EPS15: variants seen among roughly 807,000 people sequenced by gnomAD.
EPS15 encodes the protein epidermal growth factor receptor substrate 15.
Under a neutral mutation model 113.8 loss-of-function variants are expected in EPS15, and 72 were observed. That is an observed-to-expected ratio of 0.63 (90% CI 0.52 to 0.77). The LOEUF (loss-of-function observed/expected upper bound fraction) is 0.77. Ranked by LOEUF, EPS15 falls within the 30% of genes least tolerant of loss-of-function variation. The pLI is 0.00. For missense variants in EPS15, 1,048 were observed against 1,045.8 expected, an observed-to-expected ratio of 1.00 and a Z score of -0.03; for synonymous variants, 344 against 363.4, an observed-to-expected ratio of 0.95 and a Z score of 0.61.
chr1:51,427,653 A>G (rs545286068), intron 12 of EPS15, among the ~76,000 whole-genome samples: 12 of 152,206 alleles, frequency 7.9e-5, no homozygotes, highest in Non-Finnish European at 1.6e-4. Flanking sequence ...TGTGCAGATA[A>G]TAATGTCATA....
Position 51,356,440 on chromosome 1 carries a change from A to G in EPS15, c.*260T>C. 2 of 351,604 alleles carry G rather than the reference A, an allele frequency of 5.7e-6. No individual in the cohort carries two copies. The highest frequency in any genetic ancestry group is 5.5e-5 in the South Asian group (1 of 18,314). 21.8% of individuals were successfully genotyped at this position (351,604 alleles called of 1,614,324 possible). A position where few individuals can be genotyped will look rare whatever the true frequency, so the allele number is the denominator to read the frequency against. On this transcript the variant is annotated 3_prime_UTR_variant, in exon 25 of 25. Coordinates refer to ENST00000371733, the MANE Select transcript of EPS15 (RefSeq NM_001981.3). Reference sequence around the variant, plus strand: ...AAGTAAAATAGCACAGGCAGGCAAAAGCTCACAGTAAATGTATACCAGAAC... The same window carrying G: ...AAGTAAAATAGCACAGGCAGGCAAAGGCTCACAGTAAATGTATACCAGAAC...
Position 51,444,943 on chromosome 1 carries a change from A to C in EPS15, c.900T>G (p.Pro300=). 2 of 1,614,060 alleles carry C rather than the reference A, an allele frequency of 1.2e-6. No homozygotes were observed. The highest frequency in any genetic ancestry group is 1.7e-6 in the Non-Finnish European group (2 of 1,179,934). Residue 300 remains proline, a synonymous_variant, in exon 11 of 25, where the codon CCT becomes CCG. Coordinates refer to ENST00000371733, the MANE Select transcript of EPS15 (RefSeq NM_001981.3). ...SQKLIKGIDP[P]HVLTPEMIPP... is the part of the protein sequence containing the mutation. Reference sequence around the variant, plus strand: ...GAATCATTTCAGGAGTAAGAACGTGAGGAGGATCAATGCCCTTGATTAACT... The same window carrying C: ...GAATCATTTCAGGAGTAAGAACGTGCGGAGGATCAATGCCCTTGATTAACT...
intron 21 of EPS15, among the ~76,000 whole-genome samples, chr1:51,376,887 TAGAC>T (rs1646813372): frequency 6.6e-6 from 1 of 152,208 alleles, no homozygotes. Flanking sequence ...ATAGCTGCCA[TAGAC>T]AGCCATTCCT....
intron 13 of EPS15, among the ~76,000 whole-genome samples, chr1:51,418,605 A>G (rs915952469): frequency 2.6e-5 from 4 of 152,140 alleles, no homozygotes; most frequent in Admixed American, 6.6e-5. Flanking sequence ...GAAGAGTCCT[A>G]TGTCCAAGAG....
intron 21 of EPS15, among the ~76,000 whole-genome samples, chr1:51,390,359 AC>A (rs1234361104): frequency 2.6e-5 from 4 of 152,072 alleles, no homozygotes; most frequent in Non-Finnish European, 4.4e-5. Flanking sequence ...AACCATAAAA[AC>A]CCTAGAAGAA....
At chr1:51,482,507 G>A (rs957095398) in intron 1 of EPS15, among the ~76,000 whole-genome samples, 2 of 152,082 alleles carry the variant, frequency 1.3e-5, no homozygotes, top group Admixed American at 6.6e-5. Flanking sequence ...AGTCGCCCAG[G>A]CTGGAGTACA....
At chr1:51,372,251 G>C (rs1194065103) in intron 21 of EPS15, 10 of 482,614 alleles carry the variant, frequency 2.1e-5, no homozygotes, top group South Asian at 1.2e-4. Context: ...CCTAGTGGGC[G>C]GTGTGTGTCA....
intron 21 of EPS15, among the ~76,000 whole-genome samples, chr1:51,390,603 T>A (rs1647261236): frequency 6.7e-6 from 1 of 150,056 alleles, no homozygotes; most frequent in African/African-American, 2.5e-5. Flanking sequence ...TACAATGAAC[T>A]CAAACAAATT....
At chr1:51,416,546 C>T (rs1050326706) in intron 13 of EPS15, among the ~76,000 whole-genome samples, 3 of 152,088 alleles carry the variant, frequency 2.0e-5, no homozygotes, top group African/African-American at 2.4e-5. Context: ...TCAAGGAAAA[C>T]GTCCTGTTTT....
chr1:51,394,271 C>T, intron 21 of EPS15, 110 bp downstream of exon 21: 2 of 587,132 alleles, frequency 3.4e-6, no homozygotes, highest in South Asian at 2.7e-5. Flanking sequence ...TATAATTATG[C>T]AATAATTTTA....
At chr1:51,505,593 G>A (rs180785348) in intron 1 of EPS15, among the ~76,000 whole-genome samples, 4 of 152,206 alleles carry the variant, frequency 2.6e-5, no homozygotes, top group East Asian at 3.9e-4. Flanking sequence ...TAAAATTGAT[G>A]TTTGCACGTA....
At chr1:51,375,494 A>G (rs1261733144) in intron 21 of EPS15, among the ~76,000 whole-genome samples, 8 of 152,352 alleles carry the variant, frequency 5.3e-5, no homozygotes, top group African/African-American at 1.7e-4. Flanking sequence ...TAATAAGGGT[A>G]GAAGGGTACC....
chr1:51,370,525 G>A (rs926488244), intron 21 of EPS15, among the ~76,000 whole-genome samples: 26 of 151,524 alleles, frequency 1.7e-4, no homozygotes, highest in Admixed American at 5.3e-4. Flanking sequence ...TGCTCAACCC[G>A]TATTTGATAA....
intron 5 of EPS15, among the ~76,000 whole-genome samples, chr1:51,466,786 T>C (rs536774552): frequency 4.6e-5 from 7 of 152,002 alleles, no homozygotes; most frequent in Admixed American, 6.6e-5. Flanking sequence ...TCCCAGCTAT[T>C]TGGGAGGCTA....
At chr1:51,386,168 C>G (rs941785000) in intron 21 of EPS15, among the ~76,000 whole-genome samples, 2 of 152,110 alleles carry the variant, frequency 1.3e-5, no homozygotes, top group Non-Finnish European at 2.9e-5. Context: ...CAATAACATA[C>G]GCCCAGGCAT....
intron 13 of EPS15, among the ~76,000 whole-genome samples, chr1:51,418,525 A>G (rs907837348): frequency 6.6e-6 from 1 of 152,150 alleles, no homozygotes; most frequent in African/African-American, 2.4e-5. Context: ...ACACAAAGCA[A>G]TAAAAGTAGA....
At chr1:51,514,699 G>T (rs1271154945) in intron 1 of EPS15, among the ~76,000 whole-genome samples, 1 of 152,114 alleles carries the variant, frequency 6.6e-6, no homozygotes, top group Non-Finnish European at 1.5e-5. Flanking sequence ...TGAAAACAAA[G>T]GAATGCACTC....
rs139350804 is a variant in EPS15 at position 51,399,211 on chromosome 1, C to T, written c.1919-46G>A. 8.2e-6 allele frequency: 13 copies of T among 1,577,830 alleles called. No individual in the cohort carries two copies. In the African/African-American group the frequency reaches 1.5e-4, roughly 18 times the overall value. Reference sequence around the variant, plus strand: ...TATAAGAGACAAAAAAAAATTATTGCACTAAATTTCCCATCACTTGAAGGT... The same window carrying T: ...TATAAGAGACAAAAAAAAATTATTGTACTAAATTTCCCATCACTTGAAGGT... On this transcript the variant is annotated intron_variant, in intron 19 of 24. Transcript: ENST00000371733.
At chr1:51,433,207 A>C (rs1030770839) in intron 12 of EPS15, among the ~76,000 whole-genome samples, 1 of 152,240 alleles carries the variant, frequency 6.6e-6, no homozygotes, top group African/African-American at 2.4e-5. Context: ...AACTAGAGAA[A>C]GAAAGTTCAT....
Sources: gnomAD v4.1 joint callset for allele counts (sites outside exome capture counted in the v4.1 genomes callset) on GRCh38, gnomAD v4.1.1 for gene constraint, MANE v1.5 for transcripts, NCBI Gene and HGNC (gene_info 2026-07-23, HGNC 2026-07-21) for gene names.